RASSF4: variants seen among roughly 807,000 people sequenced by gnomAD.
The protein encoded by RASSF4 is ras association domain-containing protein 4.
A neutral mutation model predicts 41.1 loss-of-function variants in RASSF4; 38 were observed. The observed-to-expected ratio is 0.92, with a 90% confidence interval of 0.71 to 1.21. The LOEUF is 1.21. Ranked by LOEUF, RASSF4 falls within the 50% of genes most tolerant of loss-of-function variation. The probability of loss-of-function intolerance (pLI) is 0.00; values close to 1 mark genes in which losing one functional copy is unlikely to be tolerated. For missense variants in RASSF4, 414 were observed against 419.4 expected, an observed-to-expected ratio of 0.99 and a Z score of 0.11; for synonymous variants, 179 against 163.4, an observed-to-expected ratio of 1.10 and a Z score of -0.73.
rs1588846566 is a variant in RASSF4 at position 44,989,352 on chromosome 10, A to C, written c.610A>C (p.Thr204Pro). ...NSTMTTLQVL[T>P]LLLNKFRVED... ...CACCATGACAACCCTGCAGGTGCTC[A>C]CCCTGCTGCTGAACAAATTTAGGGT... Residue 204 changes from threonine to proline, a missense_variant, in exon 7 of 11, where the codon ACC becomes CCC. Transcript: ENST00000340258. The C allele has an allele frequency of 6.2e-7, 1 of 1,612,828 alleles. No individual in the cohort carries two copies. Among genetic ancestry groups the C allele is most frequent in the Middle Eastern group, 1.7e-4 (1 of 6,060 alleles).
chr10:44,980,740 G>A (rs866968462), intron 3 of RASSF4, among the ~76,000 whole-genome samples: 6 of 152,144 alleles, frequency 3.9e-5, no homozygotes, highest in South Asian at 2.1e-4. Flanking sequence ...TCTGCCTGGC[G>A]TCCAGGGTGG....
chr10:44,963,472 G>A (rs1840785627), intron 1 of RASSF4, among the ~76,000 whole-genome samples: 1 of 152,212 alleles, frequency 6.6e-6, no homozygotes. Context: ...AAGCTTCATT[G>A]TCCTCTGTGC....
intron 3 of RASSF4, among the ~76,000 whole-genome samples, chr10:44,979,836 C>T (rs1310406830): frequency 6.6e-6 from 1 of 152,004 alleles, no homozygotes; most frequent in Non-Finnish European, 1.5e-5. Flanking sequence ...GCTTCTGCTT[C>T]AAAGGATCGC....
chr10:44,990,451 A>G (rs1842066900), intron 8 of RASSF4: 1 of 155,916 alleles, frequency 6.4e-6, no homozygotes, highest in Non-Finnish European at 1.4e-5. Context: ...AGAAGTGACA[A>G]GACAGAGGAG....
intron 9 of RASSF4, among the ~76,000 whole-genome samples, chr10:44,991,545 C>T (rs1215172703): frequency 6.6e-6 from 1 of 152,080 alleles, no homozygotes; most frequent in African/African-American, 2.4e-5. Flanking sequence ...GGCCTAGTGA[C>T]CCCGTATCCC....
Position 44,982,668 on chromosome 10 carries a change from G to A in RASSF4, c.281+5G>A. 1 of 1,612,028 alleles carries A rather than the reference G, an allele frequency of 6.2e-7. No individual in the cohort carries two copies. The highest frequency in any genetic ancestry group is 8.5e-7 in the Non-Finnish European group (1 of 1,179,216). On this transcript the variant is annotated splice_donor_5th_base_variant and intron_variant, in intron 4 of 10. Coordinates refer to ENST00000340258, the MANE Select transcript of RASSF4 (RefSeq NM_032023.4). The stretch of plus-strand genomic sequence containing the variant: ...CAGACGGCCTAGCTGCCCTCTGTGA[G>A]TACCCGGTGGCTTCTGTGACACCTG...
intron 1 of RASSF4, among the ~76,000 whole-genome samples, chr10:44,965,891 G>T (rs977469379): frequency 2.0e-5 from 3 of 152,158 alleles, no homozygotes; most frequent in African/African-American, 7.2e-5. Flanking sequence ...TTCAGTCATG[G>T]CCGGAGACAC....
chr10:44,983,122 A>C (rs1467110001), intron 4 of RASSF4: 1 of 374,536 alleles, frequency 2.7e-6, no homozygotes, highest in Non-Finnish European at 5.4e-6. Context: ...TGTTTCTGTC[A>C]GGAGGAAATG....
rs1304040399 is a variant in RASSF4 at position 44,989,654 on chromosome 10, G to C, written c.634-16G>C. The C allele has an allele frequency of 1.9e-6, 3 of 1,613,768 alleles. No individual in the cohort carries two copies. Among genetic ancestry groups the C allele is most frequent in the Non-Finnish European group, 2.5e-6 (3 of 1,179,752 alleles). On this transcript the variant is annotated splice_polypyrimidine_tract_variant and intron_variant, in intron 7 of 10. Coordinates refer to ENST00000340258, the MANE Select transcript of RASSF4 (RefSeq NM_032023.4). ...TCCAAGCACCGTGATCTGACTTCCT[G>C]TGACTGCCTGTGCAGGTGGAAGATG...
At chr10:44,968,528 G>A (rs1265124984) in intron 1 of RASSF4, among the ~76,000 whole-genome samples, 2 of 152,276 alleles carry the variant, frequency 1.3e-5, no homozygotes, top group East Asian at 1.9e-4. Context: ...CCCTTCTCCA[G>A]GCCAACTGTA....
At position 44,985,115 on chromosome 10, in the gene RASSF4, C is replaced by G. The variant is rs113503513; in HGVS notation, c.531+145C>G. 3,449 of 772,748 alleles carry G rather than the reference C, an allele frequency of 4.5e-3. 81 individuals are homozygous for G. The African/African-American group carries it at 0.049, about 11-fold the overall frequency. The allele number at this position is 772,748 out of a possible 1,614,324, so 47.9% of individuals were successfully genotyped here. A position where few individuals can be genotyped will look rare whatever the true frequency, so the allele number is the denominator to read the frequency against. The stretch of plus-strand genomic sequence containing the variant: ...ACCAGGTTGCATCCACATAACAGCC[C>G]CGTTTATGACCTAAGCATTTTCCAG... On this transcript the variant is annotated intron_variant, in intron 6 of 10. Coordinates refer to ENST00000340258, the MANE Select transcript of RASSF4 (RefSeq NM_032023.4).
chr10:44,972,869 T>C (rs1841239112), intron 3 of RASSF4, among the ~76,000 whole-genome samples: 1 of 152,208 alleles, frequency 6.6e-6, no homozygotes, highest in Non-Finnish European at 1.5e-5. Context: ...CACCCTTCTA[T>C]AGCTCCCAGG....
At chr10:44,986,815 A>G (rs1049639498) in intron 6 of RASSF4, among the ~76,000 whole-genome samples, 1 of 152,242 alleles carries the variant, frequency 6.6e-6, no homozygotes, top group Non-Finnish European at 1.5e-5. Context: ...ACTGTGCACC[A>G]TTACTTCACT....
At chr10:44,990,031 A>AT (rs1842052436) in intron 8 of RASSF4, among the ~76,000 whole-genome samples, 1 of 152,250 alleles carries the variant, frequency 6.6e-6, no homozygotes, top group African/African-American at 2.4e-5. Context: ...CTGAAGGAGA[A>AT]TCCCACCAAG....
Position 44,982,606 on chromosome 10 carries a change from G to A in RASSF4, c.224G>A (p.Arg75Gln), listed in dbSNP as rs139687864. The A allele has an allele frequency of 4.0e-5, 64 of 1,612,838 alleles. No homozygotes were observed. The highest frequency in any genetic ancestry group is 1.8e-4 in the East Asian group (8 of 44,830). The change falls in exon 4 of 11, where the codon CGG (arginine) becomes CAG (glutamine). Residue 75 changes from arginine (R) to glutamine (Q), a missense_variant. Physicochemically the swap from Arg to Gln is conservative, Grantham distance 43. Coordinates refer to ENST00000340258, the MANE Select transcript of RASSF4 (RefSeq NM_032023.4). ...RPIRLQMQDD[R>Q]EQVHLPSTSW... Reference sequence around the variant, plus strand: ...ATCCGGCTGCAGATGCAGGATGACCGGGAGCAGGTGCACCTCCCCTCCACC... The same window carrying A: ...ATCCGGCTGCAGATGCAGGATGACCAGGAGCAGGTGCACCTCCCCTCCACC...
At chr10:44,989,016 T>C (rs1842015040) in intron 6 of RASSF4, among the ~76,000 whole-genome samples, 1 of 152,232 alleles carries the variant, frequency 6.6e-6, no homozygotes, top group South Asian at 2.1e-4. Context: ...TCCATGGCCC[T>C]GGTTCCTCGG....
intron 3 of RASSF4, chr10:44,977,833 G>C: frequency 6.2e-7 from 1 of 1,605,990 alleles, no homozygotes. Flanking sequence ...CTGGCCTGTG[G>C]GGTGGCCTGG....
chr10:44,982,815 TC>T (rs1841771787), intron 4 of RASSF4, 152 bp downstream of exon 4: 1 of 842,682 alleles, frequency 1.2e-6, no homozygotes, highest in Non-Finnish European at 1.9e-6. Context: ...ACTGCCTCAG[TC>T]CACAGCCTCG....
Position 44,992,022 on chromosome 10 carries a change from A to G in RASSF4, c.905+20A>G. 6.7e-7 allele frequency: 1 copy of G among 1,501,680 alleles called. No individual in the cohort carries two copies. Among genetic ancestry groups the G allele is most frequent in the Non-Finnish European group, 9.3e-7 (1 of 1,078,608 alleles). The allele number at this position is 1,501,680 out of a possible 1,614,324, so 93.0% of individuals were successfully genotyped here. ...CATGAAGTAAGCAGCACTTAAACAG[A>G]CAGTCATGGGTCCTGAACATCAGGG... On this transcript the variant is annotated intron_variant, in intron 10 of 10. Transcript: ENST00000340258.
Sources: allele counts gnomAD v4.1 joint callset (sites outside exome capture counted in the v4.1 genomes callset), GRCh38; gene constraint gnomAD v4.1.1; transcripts MANE v1.5; gene names NCBI Gene and HGNC (gene_info 2026-07-23, HGNC 2026-07-21).